The following SLCO3A1 variants were observed in gnomAD, a reference collection of about 807,000 sequenced individuals.
SLCO3A1 encodes the protein PGE1 transporter.
SLCO3A1 carries 27 observed loss-of-function variants against 63.1 expected under a neutral mutation model. The ratio of observed to expected loss-of-function variants is 0.43; its 90% CI spans 0.32 to 0.59. SLCO3A1 has a LOEUF of 0.59. Among genes scored for constraint, SLCO3A1 ranks in the 20% least tolerant of loss-of-function variants. The probability of loss-of-function intolerance (pLI) is 0.09; values close to 1 mark genes in which losing one functional copy is unlikely to be tolerated. For missense variants in SLCO3A1, 773 were observed against 945.8 expected (o/e 0.82, Z 2.40); for synonymous variants, 473 against 409.9 (o/e 1.15, Z -1.86).
chr15:92,013,163 C>G (rs1319268412), intron 2 of SLCO3A1, among the ~76,000 whole-genome samples: 2 of 152,144 alleles, frequency 1.3e-5, no homozygotes, highest in Non-Finnish European at 2.9e-5. Flanking sequence ...GGGGAGAGAG[C>G]CATCTTTCTA....
intron 2 of SLCO3A1, among the ~76,000 whole-genome samples, chr15:92,057,785 A>G (rs1257187515): frequency 6.6e-6 from 1 of 152,204 alleles, no homozygotes; most frequent in African/African-American, 2.4e-5. Flanking sequence ...CAGTGGACAA[A>G]TGAGCACATT....
In SLCO3A1 at chr15:91,859,900, T is replaced by C. The variant is rs1190590450; in HGVS notation, c.180+5812T>C. Among the ~76,000 whole-genome samples, 1 of 152,218 alleles carries C rather than the reference T, an allele frequency of 6.6e-6. No individual in the cohort carries two copies. The highest frequency in any genetic ancestry group is 1.9e-4 in the East Asian group (1 of 5,198). On this transcript the variant is annotated intron_variant, in intron 1 of 9. Coordinates refer to ENST00000318445, the MANE Select transcript of SLCO3A1 (RefSeq NM_013272.4). This position sits in a 1 kb window ranked among gnomAD's most constrained non-coding sequence, Gnocchi z 5.1. ...TAAACTTTAGTTTTGGTTTAGTGAA[T>C]TGCATATTCAAGTAGTTTCCTATTC...
chr15:92,146,840 G>GCTAA (rs955695446), intron 7 of SLCO3A1, 144 bp from the exon 8 acceptor site: 4 of 673,472 alleles, frequency 5.9e-6, no homozygotes, highest in East Asian at 3.0e-5. Flanking sequence ...CCTTAAAAAA[G>GCTAA]CTAACTAACT....
At chr15:92,032,219 G>T (rs991760251) in intron 2 of SLCO3A1, among the ~76,000 whole-genome samples, 2 of 152,160 alleles carry the variant, frequency 1.3e-5, no homozygotes, top group Non-Finnish European at 2.9e-5. Flanking sequence ...ATTTTCTCAA[G>T]CCCAGAGGGT....
intron 3 of SLCO3A1, among the ~76,000 whole-genome samples, chr15:92,101,486 C>A (rs2047604160): frequency 6.6e-6 from 1 of 151,948 alleles, no homozygotes; most frequent in Non-Finnish European, 1.5e-5. Context: ...TCCAGCCTGG[C>A]CGACAGAGCG....
intron 2 of SLCO3A1, among the ~76,000 whole-genome samples, chr15:91,992,109 C>G (rs1410595905): frequency 1.3e-5 from 2 of 148,628 alleles, no homozygotes; most frequent in Admixed American, 6.7e-5. Context: ...AAGTTCTAAT[C>G]CATACTTCAA....
chr15:92,024,733 T>C (rs62011577), intron 2 of SLCO3A1, among the ~76,000 whole-genome samples: 24,409 of 152,230 alleles, frequency 0.16, 2,224 homozygotes, highest in South Asian at 0.37. Context: ...TTAGTGGGAA[T>C]GAAGTGTAAT....
intron 7 of SLCO3A1, among the ~76,000 whole-genome samples, chr15:92,144,739 CG>C (rs1291271492): frequency 6.6e-6 from 1 of 152,168 alleles, no homozygotes; most frequent in African/African-American, 2.4e-5. Flanking sequence ...AAAGCGAATT[CG>C]GGGGAGATAC....
chr15:91,954,627 C>T lies in SLCO3A1; in HGVS notation c.646+38169C>T, dbSNP rs953031874. On this transcript the variant is annotated intron_variant, in intron 2 of 9. Coordinates refer to ENST00000318445, the MANE Select transcript of SLCO3A1 (RefSeq NM_013272.4). This position sits in a 1 kb window ranked among gnomAD's most constrained non-coding sequence, Gnocchi z 4.7. ...GTGGGGAAGAGGAAGTGGAAGTTGGCGGGGAAGAGTGTTGCAGGTCCAGGA... is the reference window on the plus strand; with the variant it reads ...GTGGGGAAGAGGAAGTGGAAGTTGGTGGGGAAGAGTGTTGCAGGTCCAGGA... Among the ~76,000 whole-genome samples the T allele has an allele frequency of 1.1e-4, 17 of 151,734 alleles. No homozygotes were observed. Among genetic ancestry groups the T allele is most frequent in the African/African-American group, 3.6e-4 (15 of 41,208 alleles).
At chr15:92,000,014 A>C (rs1480122318) in intron 2 of SLCO3A1, among the ~76,000 whole-genome samples, 3 of 152,228 alleles carry the variant, frequency 2.0e-5, no homozygotes, top group African/African-American at 7.2e-5. Flanking sequence ...ATAAGATAGA[A>C]TACTATATGG....
chr15:92,154,220 G>A (rs376995626), intron 9 of SLCO3A1, among the ~76,000 whole-genome samples: 5 of 152,214 alleles, frequency 3.3e-5, no homozygotes, highest in Non-Finnish European at 5.9e-5. Flanking sequence ...TTCTCCAAGT[G>A]GAAGCATAAG....
At position 91,853,796 on chromosome 15, in the gene SLCO3A1, G is replaced by T; in HGVS notation, c.-113G>T. ...ACGGGGGCGGCCGCCGCGAACCCGGGGCGGGGACAGCACGCAGCCTCGAGG... is the reference window on the plus strand; with the variant it reads ...ACGGGGGCGGCCGCCGCGAACCCGGTGCGGGGACAGCACGCAGCCTCGAGG... On this transcript the variant is annotated 5_prime_UTR_variant, in exon 1 of 10. Coordinates refer to ENST00000318445, the MANE Select transcript of SLCO3A1 (RefSeq NM_013272.4). The T allele has an allele frequency of 9.7e-7, 1 of 1,029,734 alleles. No individual in the cohort carries two copies. Among genetic ancestry groups the T allele is most frequent in the Non-Finnish European group, 1.2e-6 (1 of 845,730 alleles). The allele number at this position is 1,029,734 out of a possible 1,614,324, so 63.8% of individuals were successfully genotyped here.
chr15:92,038,698 A>G (rs989014895), intron 2 of SLCO3A1, among the ~76,000 whole-genome samples: 2 of 152,218 alleles, frequency 1.3e-5, no homozygotes, highest in Admixed American at 6.5e-5. Flanking sequence ...TATAGATGCA[A>G]TGCTATTCCC....
intron 2 of SLCO3A1, among the ~76,000 whole-genome samples, chr15:92,012,545 A>G (rs907426223): frequency 4.6e-5 from 7 of 152,080 alleles, no homozygotes; most frequent in African/African-American, 1.7e-4. Context: ...CGCTGACCAC[A>G]TTGCTCTAGA....
chr15:92,003,364 T>C (rs1254624063), intron 2 of SLCO3A1, among the ~76,000 whole-genome samples: 1 of 152,198 alleles, frequency 6.6e-6, no homozygotes, highest in African/African-American at 2.4e-5. Flanking sequence ...AACAAATGTC[T>C]CGGCTTCAGA....
chr15:91,970,703 G>T (rs1567044309), intron 2 of SLCO3A1, among the ~76,000 whole-genome samples: 1 of 152,136 alleles, frequency 6.6e-6, no homozygotes, highest in Non-Finnish European at 1.5e-5. Context: ...GGCATCCAGG[G>T]TGTATCCTGC....
At chr15:92,039,323 A>G (rs1275774890) in intron 2 of SLCO3A1, among the ~76,000 whole-genome samples, 1 of 152,166 alleles carries the variant, frequency 6.6e-6, no homozygotes, top group Admixed American at 6.5e-5. Flanking sequence ...TTTGCAATCT[A>G]CCCGTCTGAC....
chr15:92,014,472 A>C (rs767978472), intron 2 of SLCO3A1, among the ~76,000 whole-genome samples: 3 of 152,178 alleles, frequency 2.0e-5, no homozygotes, highest in Non-Finnish European at 2.9e-5. Context: ...TATGGGCACC[A>C]AACTATACTT....
chr15:92,050,464 T>C (rs1451243319), intron 2 of SLCO3A1, among the ~76,000 whole-genome samples: 2 of 152,130 alleles, frequency 1.3e-5, no homozygotes, highest in Non-Finnish European at 2.9e-5. Context: ...CATCCAGAGA[T>C]TCAGGAAATG....
Sources: allele counts gnomAD v4.1 joint callset (sites outside exome capture counted in the v4.1 genomes callset), GRCh38; gene constraint gnomAD v4.1.1; non-coding constraint Gnocchi (gnomAD v3.1); transcripts MANE v1.5; gene names NCBI Gene and HGNC (gene_info 2026-07-23, HGNC 2026-07-21).